The following PRKG1 variants were observed in gnomAD, a reference collection of about 807,000 sequenced individuals.
PRKG1 encodes the protein protein kinase cGMP-dependent 1.
Under a neutral mutation model 88.1 loss-of-function variants are expected in PRKG1, and 35 were observed. The ratio of observed to expected loss-of-function variants is 0.40; its 90% CI spans 0.30 to 0.53. The LOEUF (loss-of-function observed/expected upper bound fraction) is 0.53. PRKG1 is among the 20% of genes least tolerant of loss of function. The pLI is 0.59. For synonymous variants in PRKG1, 303 were observed against 292.5 expected (o/e 1.04, Z -0.37); for missense variants, 540 against 839.8 (o/e 0.64, Z 4.41).
At chr10:51,272,911 C>CTA (rs1840019080) in intron 2 of PRKG1, among the ~76,000 whole-genome samples, 1 of 152,140 alleles carries the variant, frequency 6.6e-6, no homozygotes, top group Non-Finnish European at 1.5e-5. Flanking sequence ...ATAATACTGT[C>CTA]ATGGCTTGTA....
chr10:51,528,401 A>T (rs1411357986), intron 3 of PRKG1, among the ~76,000 whole-genome samples: 1 of 150,754 alleles, frequency 6.6e-6, no homozygotes, highest in African/African-American at 2.4e-5. Flanking sequence ...GACTGGGAAA[A>T]ATCTGTCTAA....
chr10:51,951,330 T>C (rs1449359389), intron 5 of PRKG1, among the ~76,000 whole-genome samples: 1 of 152,218 alleles, frequency 6.6e-6, no homozygotes, highest in African/African-American at 2.4e-5. Flanking sequence ...ATTAAAGCTA[T>C]GAGGCAAAAG....
At chr10:51,278,379 C>T (rs10822594) in intron 2 of PRKG1, among the ~76,000 whole-genome samples, 70,305 of 152,042 alleles carry the variant, frequency 0.46, 17,797 homozygotes, top group African/African-American at 0.67. Flanking sequence ...AGGATTTTTG[C>T]ATCAGTGTTC....
chr10:51,506,545 G>C (rs995748483), intron 3 of PRKG1, among the ~76,000 whole-genome samples: 5 of 152,154 alleles, frequency 3.3e-5, no homozygotes, highest in African/African-American at 1.2e-4. Flanking sequence ...AAAGACACAT[G>C]AAAAAATGCT....
chr10:51,393,180 G>C (rs954011103), intron 2 of PRKG1, among the ~76,000 whole-genome samples: 5 of 150,914 alleles, frequency 3.3e-5, no homozygotes, highest in African/African-American at 1.2e-4. Context: ...CCTCCCAGAC[G>C]GGGTCGCGGG....
At chr10:51,752,066 T>G (rs574675498) in intron 3 of PRKG1, among the ~76,000 whole-genome samples, 1 of 152,324 alleles carries the variant, frequency 6.6e-6, no homozygotes, top group African/African-American at 2.4e-5. Flanking sequence ...TATTCTGCAT[T>G]AACTCCCACA....
intron 2 of PRKG1, among the ~76,000 whole-genome samples, chr10:51,217,902 G>T (rs1390152491): frequency 6.6e-6 from 1 of 151,992 alleles, no homozygotes. Context: ...TCTCTGCAAG[G>T]GTAACAAATT....
intron 3 of PRKG1, among the ~76,000 whole-genome samples, chr10:51,559,723 T>C (rs952708358): frequency 6.6e-6 from 1 of 152,134 alleles, no homozygotes; most frequent in African/African-American, 2.4e-5. Flanking sequence ...GTTATTTCTT[T>C]TTTAACCTAG....
chr10:51,762,257 A>G (rs1838039158), intron 3 of PRKG1, among the ~76,000 whole-genome samples: 1 of 152,158 alleles, frequency 6.6e-6, no homozygotes, highest in Non-Finnish European at 1.5e-5. Context: ...AGTCACCTAC[A>G]AGGTCTGGGA....
At chr10:51,911,449 A>C (rs1333220090) in intron 5 of PRKG1, among the ~76,000 whole-genome samples, 1 of 152,160 alleles carries the variant, frequency 6.6e-6, no homozygotes, top group Non-Finnish European at 1.5e-5. Context: ...AATAATTCTG[A>C]CCAAAGAAAT....
At chr10:51,476,601 T>TTTGTTG (rs66840703) in intron 3 of PRKG1, among the ~76,000 whole-genome samples, 1 of 151,190 alleles carries the variant, frequency 6.6e-6, no homozygotes, top group East Asian at 1.9e-4. Context: ...AAGTGGATTA[T>TTTGTTG]TTGTTGTTGT....
intron 9 of PRKG1, among the ~76,000 whole-genome samples, chr10:52,227,814 A>C (rs1262775237): frequency 6.6e-6 from 1 of 152,198 alleles, no homozygotes; most frequent in Non-Finnish European, 1.5e-5. Context: ...TTCTGGGTGA[A>C]GTTGCACTGC....
chr10:51,652,089 T>C (rs1453748577), intron 3 of PRKG1, among the ~76,000 whole-genome samples: 1 of 152,188 alleles, frequency 6.6e-6, no homozygotes, highest in Admixed American at 6.5e-5. Context: ...CTGCTGTTAG[T>C]AATAACTTTA....
intron 7 of PRKG1, among the ~76,000 whole-genome samples, chr10:52,100,358 T>C (rs1333378830): frequency 6.6e-6 from 1 of 152,224 alleles, no homozygotes; most frequent in Admixed American, 6.5e-5. Flanking sequence ...TACGTGGAGT[T>C]AGAAGCATGG....
intron 5 of PRKG1, among the ~76,000 whole-genome samples, chr10:51,923,272 ATCTC>A (rs1283142750): frequency 6.6e-6 from 1 of 151,628 alleles, no homozygotes; most frequent in Non-Finnish European, 1.5e-5. Flanking sequence ...TTAACTTTTA[ATCTC>A]TCTCTGTCTT....
In PRKG1 at chr10:51,670,590, G is replaced by A. The variant is rs1388251461; in HGVS notation, c.593-133995G>A. Among the ~76,000 whole-genome samples, 6 of 149,094 alleles carry A rather than the reference G, an allele frequency of 4.0e-5. No individual in the cohort carries two copies. The South Asian group carries it at 6.3e-4, about 16-fold the overall frequency. On this transcript the variant is annotated intron_variant, in intron 3 of 17. Transcript: ENST00000373980. Reference sequence around the variant, plus strand: ...TCTCTACTAAAAATACAAAAAATTAGCCGGGCGTAGTGGCGGGCGCCTGTA... The same window carrying A: ...TCTCTACTAAAAATACAAAAAATTAACCGGGCGTAGTGGCGGGCGCCTGTA...
At chr10:51,244,308 C>CTTTTTTTTTTTTTT (rs76339310) in intron 2 of PRKG1, among the ~76,000 whole-genome samples, 1 of 136,678 alleles carries the variant, frequency 7.3e-6, no homozygotes. Flanking sequence ...CCCTTTCTTC[C>CTTTTTTTTTTTTTT]TTTTTTTTTT....
At chr10:52,254,836 A>G (rs1841270298) in intron 10 of PRKG1, among the ~76,000 whole-genome samples, 1 of 152,084 alleles carries the variant, frequency 6.6e-6, no homozygotes, top group Non-Finnish European at 1.5e-5. Flanking sequence ...TGTTCAGTAA[A>G]GAGTCCAGAA....
chr10:51,472,167 T>A (rs1170116305), intron 3 of PRKG1, among the ~76,000 whole-genome samples: 1 of 151,894 alleles, frequency 6.6e-6, no homozygotes, highest in Non-Finnish European at 1.5e-5. Context: ...GTTGACTAAT[T>A]AAGATATTTT....
Sources: allele counts gnomAD v4.1 joint callset (sites outside exome capture counted in the v4.1 genomes callset), GRCh38; gene constraint gnomAD v4.1.1; transcripts MANE v1.5; gene names NCBI Gene and HGNC (gene_info 2026-07-23, HGNC 2026-07-21).